The following CBLIF variants were observed in gnomAD, a reference collection of about 807,000 sequenced individuals.
The protein encoded by CBLIF is cobalamin binding intrinsic factor.
CBLIF carries 24 observed loss-of-function variants against 44.9 expected under a neutral mutation model. That is an observed-to-expected ratio of 0.53 (90% CI 0.39 to 0.75). The LOEUF (loss-of-function observed/expected upper bound fraction) is 0.75, where lower values mean the gene tolerates loss of function less well. Among genes scored for constraint, CBLIF ranks in the 30% least tolerant of loss-of-function variants. CBLIF has a pLI of 0.00. For missense variants in CBLIF, 481 were observed against 513.0 expected, an observed-to-expected ratio of 0.94 and a Z score of 0.60; for synonymous variants, 183 against 190.9, an observed-to-expected ratio of 0.96 and a Z score of 0.34.
intron 7 of CBLIF, among the ~76,000 whole-genome samples, chr11:59,833,988 A>G (rs1310634740): frequency 6.6e-6 from 1 of 152,182 alleles, no homozygotes; most frequent in Non-Finnish European, 1.5e-5. Flanking sequence ...TATTAGTTAC[A>G]TGTTATGTGA....
chr11:59,845,260 C>G, intron 1 of CBLIF, 115 bp downstream of exon 1: 1 of 1,491,916 alleles, frequency 6.7e-7, no homozygotes. Flanking sequence ...CTCAGACTTA[C>G]CCATTTTGGA....
chr11:59,829,442 AT>A lies in CBLIF; in HGVS notation c.*41del. On this transcript the variant is annotated 3_prime_UTR_variant, in exon 9 of 9. Transcript: ENST00000257248. The stretch of plus-strand genomic sequence containing the variant: ...AAATGAAGTGGAAAAAATTTCACCC[AT>A]CCTTTGGAGATGTTTGATAGAAGCT... The A allele has an allele frequency of 7.6e-7, 1 of 1,307,366 alleles. No homozygotes were observed. Among genetic ancestry groups the A allele is most frequent in the Non-Finnish European group, 1.1e-6 (1 of 899,742 alleles). The allele number at this position is 1,307,366 out of a possible 1,614,324, so 81.0% of individuals were successfully genotyped here. A position where few individuals can be genotyped will look rare whatever the true frequency, so the allele number is the denominator to read the frequency against.
chr11:59,842,637 A>T, intron 3 of CBLIF, 54 bp from the exon 4 acceptor site: 2 of 1,574,800 alleles, frequency 1.3e-6, no homozygotes, highest in Non-Finnish European at 1.7e-6. Flanking sequence ...CGATGAGGAC[A>T]TTTGCAAAGA....
intron 7 of CBLIF, among the ~76,000 whole-genome samples, chr11:59,832,139 A>G (rs1866382407): frequency 6.6e-6 from 1 of 152,240 alleles, no homozygotes; most frequent in African/African-American, 2.4e-5. Flanking sequence ...ATGGGCATTT[A>G]GGTTGATTCC....
rs1866574293 is a variant in CBLIF, at chr11:59,844,014, C to G, written c.121G>C (p.Val41Leu). The change falls in exon 2 of 9, where the codon GTA becomes CTA. Residue 41 changes from valine to leucine, a missense_variant. Transcript: ENST00000257248. ...GAAGTCACCGAGTTCTCCATGAGTA[C>G]TTGTATTCCATTGACCAAGGGCTCC... Reference protein sequence around the residue: ...AQEPLVNGIQVLMENSVTSSA... With the variant: ...AQEPLVNGIQLLMENSVTSSA... 3 of 1,613,918 alleles carry G rather than the reference C, an allele frequency of 1.9e-6. No homozygotes were observed. The highest frequency in any genetic ancestry group is 2.5e-6 in the Non-Finnish European group (3 of 1,179,830).
intron 8 of CBLIF, 77 bp from the exon 9 acceptor site, chr11:59,829,622 C>G: frequency 1.2e-6 from 1 of 857,158 alleles, no homozygotes; most frequent in Non-Finnish European, 2.0e-6. Flanking sequence ...ATGCAGTGAG[C>G]TAGATGCAGT....
chr11:59,831,500 C>A, intron 8 of CBLIF, 178 bp downstream of exon 8: 1 of 305,676 alleles, frequency 3.3e-6, no homozygotes, highest in Admixed American at 4.7e-5. Context: ...TATATATATA[C>A]ACAAAATATA....
intron 7 of CBLIF, among the ~76,000 whole-genome samples, chr11:59,834,311 T>TTCCTTCCTTCCTTCCTTCCTTC (rs1238701731): frequency 5.6e-5 from 2 of 35,570 alleles, no homozygotes; most frequent in Admixed American, 3.6e-4. Context: ...TTTCTTTCTT[T>TTCCTTCCTTCCTTCCTTCCTTC]CTTCCTTCCT....
intron 6 of CBLIF, 147 bp downstream of exon 6, chr11:59,837,027 C>A: frequency 1.4e-6 from 1 of 707,616 alleles, no homozygotes; most frequent in Non-Finnish European, 2.6e-6. Flanking sequence ...TGTGCTAGCA[C>A]ACACTCTTAA....
chr11:59,838,940 C>T (rs1351813095), intron 5 of CBLIF, among the ~76,000 whole-genome samples: 1 of 151,176 alleles, frequency 6.6e-6, no homozygotes, highest in Non-Finnish European at 1.5e-5. Context: ...CCTCCGTCTC[C>T]CGGGTTCAAG....
At position 59,835,888 on chromosome 11, in the gene CBLIF, C is replaced by T. The variant is rs1353619721; in HGVS notation, c.993G>A (p.Glu331=). The T allele has an allele frequency of 6.2e-7, 1 of 1,614,060 alleles. No individual in the cohort carries two copies. The highest frequency in any genetic ancestry group is 2.2e-5 in the East Asian group (1 of 44,882). Residue 331 remains glutamate, a synonymous_variant, in exon 7 of 9, where the codon GAG becomes GAA. Coordinates refer to ENST00000257248, the MANE Select transcript of CBLIF (RefSeq NM_005142.3). ...CACTTTTCACACTAACATTGATGGTCTCGTTGAAGAGCAGCTCAACCCCCC... is the reference window on the plus strand; with the variant it reads ...CACTTTTCACACTAACATTGATGGTTTCGTTGAAGAGCAGCTCAACCCCCC... ...QLRGVELLFN[E]TINVSVKSGS...
chr11:59,843,981 A>G lies in CBLIF; in HGVS notation c.154T>C (p.Tyr52His). ...GCAATCAGGATGCTGGGGTTTGGGT[A>G]GGCTGATGAAGTCACCGAGTTCTCC... ...LMENSVTSSA[Y>H]PNPSILIAMN... The change falls in exon 2 of 9, where the codon TAC becomes CAC. Residue 52 changes from tyrosine to histidine, a missense_variant. Physicochemically the swap from Tyr to His is moderately conservative, Grantham distance 83. Coordinates refer to ENST00000257248, the MANE Select transcript of CBLIF (RefSeq NM_005142.3). The G allele has an allele frequency of 1.2e-6, 2 of 1,613,360 alleles. No homozygotes were observed. Among genetic ancestry groups the G allele is most frequent in the Non-Finnish European group, 1.7e-6 (2 of 1,179,338 alleles).
chr11:59,834,292 CT>C (rs1353620358), intron 7 of CBLIF, among the ~76,000 whole-genome samples: 2,219 of 137,430 alleles, frequency 0.016, 15 homozygotes, highest in Admixed American at 0.027. Context: ...TTCTTTCTTT[CT>C]TTCTTTCTTT....
chr11:59,842,380 C>T lies in CBLIF; in HGVS notation c.511+63G>A, dbSNP rs1185224157. 2.5e-6 allele frequency: 4 copies of T among 1,572,530 alleles called. No individual in the cohort carries two copies. The East Asian group carries it at 9.0e-5, about 35-fold the overall frequency. The stretch of plus-strand genomic sequence containing the variant: ...CTCTCCTTTGTCACTTCCCTGCCAG[C>T]TCCACCATTCAGTTCACGATGCCTC... On this transcript the variant is annotated intron_variant, in intron 4 of 8. Transcript: ENST00000257248.
rs781509423 is a variant in CBLIF, at chr11:59,842,508, G to T, written c.446C>A (p.Ala149Glu). 29 of 1,613,742 alleles carry T rather than the reference G, an allele frequency of 1.8e-5. No individual in the cohort carries two copies. Among genetic ancestry groups the T allele is most frequent in the Non-Finnish European group, 2.3e-5 (27 of 1,179,986 alleles). ...AAAGCGGACGGCTATCGGCAAGGTC[G>T]CCTCAGAGTTCTTCTGGCACAGTGC... ...ILALCQKNSEATLPIAVRFAK... is the reference protein window; with the variant it reads ...ILALCQKNSEETLPIAVRFAK... Residue 149 changes from alanine to glutamate, a missense_variant, in exon 4 of 9, where the codon GCG becomes GAG. Coordinates refer to ENST00000257248, the MANE Select transcript of CBLIF (RefSeq NM_005142.3).
At chr11:59,830,223 C>T (rs1249351515) in intron 8 of CBLIF, among the ~76,000 whole-genome samples, 1 of 148,836 alleles carries the variant, frequency 6.7e-6, no homozygotes, top group East Asian at 2.0e-4. Context: ...GTTCCTGGGG[C>T]AATTACTTTC....
intron 1 of CBLIF, 62 bp downstream of exon 1, chr11:59,845,313 G>C: frequency 6.2e-7 from 1 of 1,606,990 alleles, no homozygotes; most frequent in East Asian, 2.2e-5. Flanking sequence ...AGTGTCAGAG[G>C]TCACAGCCCC....
intron 7 of CBLIF, among the ~76,000 whole-genome samples, chr11:59,832,000 G>A (rs562586913): frequency 6.2e-4 from 94 of 152,298 alleles, no homozygotes; most frequent in Non-Finnish European, 1.1e-3. Flanking sequence ...CGCCAGGATA[G>A]AGACACTTTA....
At chr11:59,837,001 C>T (rs1866463912) in intron 6 of CBLIF, among the ~76,000 whole-genome samples, 173 bp downstream of exon 6, 1 of 152,132 alleles carries the variant, frequency 6.6e-6, no homozygotes, top group African/African-American at 2.4e-5. Context: ...GTTCTGAGTG[C>T]AGGAAGGTAT....
Sources: gnomAD v4.1 joint callset for allele counts (sites outside exome capture counted in the v4.1 genomes callset) on GRCh38, gnomAD v4.1.1 for gene constraint, MANE v1.5 for transcripts, NCBI Gene and HGNC (gene_info 2026-07-23, HGNC 2026-07-21) for gene names.